NMD3: variants seen among roughly 807,000 people sequenced by gnomAD.
NMD3 encodes NMD3 ribosome export adaptor, also known as 60S ribosomal export protein NMD3.
Under a neutral mutation model 73.1 loss-of-function variants are expected in NMD3, and 47 were observed. That is an observed-to-expected ratio of 0.64 (90% CI 0.51 to 0.82). The LOEUF (loss-of-function observed/expected upper bound fraction) is 0.82, where lower values mean the gene tolerates loss of function less well. Ranked by LOEUF, NMD3 falls within the 40% of genes least tolerant of loss-of-function variation. The pLI is 0.00. For missense variants in NMD3, 554 were observed against 612.5 expected, an observed-to-expected ratio of 0.90 and a Z score of 1.01; for synonymous variants, 210 against 194.5, an observed-to-expected ratio of 1.08 and a Z score of -0.66.
At chr3:161,249,905 C>T (rs573696879) in intron 14 of NMD3, among the ~76,000 whole-genome samples, 5 of 152,214 alleles carry the variant, frequency 3.3e-5, no homozygotes, top group African/African-American at 1.2e-4. Flanking sequence ...ATATGTGGCA[C>T]ATGACTTTAT....
chr3:161,223,398 G>C (rs1204192814), intron 2 of NMD3, among the ~76,000 whole-genome samples: 1 of 151,588 alleles, frequency 6.6e-6, no homozygotes, highest in Non-Finnish European at 1.5e-5. Flanking sequence ...TGATAGTTCC[G>C]TCATTTATAC....
In NMD3 at chr3:161,242,646, CA is replaced by C; in HGVS notation, c.1016del (p.Lys339SerfsTer15). 6.2e-7 allele frequency: 1 copy of C among 1,605,224 alleles called. No homozygotes were observed. The highest frequency in any genetic ancestry group is 8.5e-7 in the Non-Finnish European group (1 of 1,176,262). On this transcript the variant is annotated frameshift_variant, in exon 11 of 16. Coordinates refer to ENST00000351193, the MANE Select transcript of NMD3 (RefSeq NM_015938.5). LOFTEE classifies it high-confidence loss of function. Reference protein sequence around the residue: ...IKRAAGAGMISKKHTLGEVWV... With the variant: ...IKRAAGAGMIXKKHTLGEVWV... Reference sequence around the variant, plus strand: ...CGTGCTGCAGGTGCTGGAATGATATCAAAAAAGGTAAGCTACATCCTGCCTG... The same window carrying C: ...CGTGCTGCAGGTGCTGGAATGATATCAAAAAGGTAAGCTACATCCTGCCTG...
In NMD3 at chr3:161,233,381, GT is replaced by G; in HGVS notation, c.277-15del. On this transcript the variant is annotated splice_polypyrimidine_tract_variant and intron_variant, in intron 4 of 15. Coordinates refer to ENST00000351193, the MANE Select transcript of NMD3 (RefSeq NM_015938.5). The stretch of plus-strand genomic sequence containing the variant: ...TAGGTGAGAACTTACGTTTCTTTTT[GT>G]TTGTGTTTTATTGAAGGTACGGCTT... 6.3e-7 allele frequency: 1 copy of G among 1,583,116 alleles called. No homozygotes were observed. Among genetic ancestry groups the G allele is most frequent in the South Asian group, 1.1e-5 (1 of 87,210 alleles).
intron 7 of NMD3, among the ~76,000 whole-genome samples, chr3:161,237,318 G>T (rs1429018161): frequency 6.6e-6 from 1 of 152,046 alleles, no homozygotes; most frequent in East Asian, 1.9e-4. Context: ...ACTCGACCTT[G>T]ATAGTTGGTT....
rs774260994 is a variant in NMD3 at position 161,235,241 on chromosome 3, TTA to T, written c.577+31_577+32del. 44 of 1,082,078 alleles carry T rather than the reference TTA, an allele frequency of 4.1e-5. No individual in the cohort carries two copies. The South Asian group carries it at 6.0e-4, about 15-fold the overall frequency. The allele number at this position is 1,082,078 out of a possible 1,614,324, so 67.0% of individuals were successfully genotyped here. ...AGTTAAAACTCAAAAGCATTTGAAA[TTA>T]TGTCAGATTTTTATTTCAACATACC... On this transcript the variant is annotated intron_variant, in intron 7 of 15. Coordinates refer to ENST00000351193, the MANE Select transcript of NMD3 (RefSeq NM_015938.5).
At chr3:161,247,470 CA>C (rs112296132) in intron 13 of NMD3, 140 bp downstream of exon 13, 48 of 462,038 alleles carry the variant, frequency 1.0e-4, no homozygotes, top group Admixed American at 1.5e-4. Context: ...GGTATAATAG[CA>C]AAATTTTTTT....
At position 161,241,030 on chromosome 3, in the gene NMD3, T is replaced by C. The variant is rs1560071844; in HGVS notation, c.754-16T>C. ...TTAGGATATGCCTCATTCTAAATGT[T>C]AGTTCTTATGCCTAGGATAATGTTG... On this transcript the variant is annotated splice_polypyrimidine_tract_variant and intron_variant, in intron 9 of 15. Coordinates refer to ENST00000351193, the MANE Select transcript of NMD3 (RefSeq NM_015938.5). 1 of 1,503,344 alleles carries C rather than the reference T, an allele frequency of 6.7e-7. No homozygotes were observed. The allele number at this position is 1,503,344 out of a possible 1,614,324, so 93.1% of individuals were successfully genotyped here.
At position 161,242,543 on chromosome 3, in the gene NMD3, C is replaced by A. The variant is rs747487158; in HGVS notation, c.907C>A (p.Pro303Thr). 2 of 1,613,264 alleles carry A rather than the reference C, an allele frequency of 1.2e-6. No individual in the cohort carries two copies. Among genetic ancestry groups the A allele is most frequent in the Non-Finnish European group, 8.5e-7 (1 of 1,179,530 alleles). ...DIDGSTFWSHPFNSLCHPKQL... is the reference protein window; with the variant it reads ...DIDGSTFWSHTFNSLCHPKQL... The stretch of plus-strand genomic sequence containing the variant: ...TGATGGGAGCACTTTCTGGAGTCAC[C>A]CTTTCAATAGTTTATGTCATCCCAA... The change falls in exon 11 of 16, where the codon CCT becomes ACT. Residue 303 changes from proline to threonine, a missense_variant. Physicochemically the swap from Pro to Thr is conservative, Grantham distance 38. Coordinates refer to ENST00000351193, the MANE Select transcript of NMD3 (RefSeq NM_015938.5).
intron 9 of NMD3, among the ~76,000 whole-genome samples, chr3:161,240,671 T>C (rs1424292788): frequency 6.6e-6 from 1 of 151,050 alleles, no homozygotes; most frequent in African/African-American, 2.4e-5. Context: ...CCCACAGGCA[T>C]GCACCACCAC....
At chr3:161,246,940 T>TG (rs963890796) in intron 12 of NMD3, among the ~76,000 whole-genome samples, 154 of 152,074 alleles carry the variant, frequency 1.0e-3, no homozygotes, top group Middle Eastern at 3.4e-3. Context: ...GGTGTTTTTT[T>TG]TTTGTTTGTT....
chr3:161,247,961 C>T (rs1737317021), intron 13 of NMD3, among the ~76,000 whole-genome samples: 1 of 151,194 alleles, frequency 6.6e-6, no homozygotes, highest in African/African-American at 2.4e-5. Context: ...GTTTAAAACA[C>T]GTTTTGTAGA....
chr3:161,231,247 G>A (rs1736536180), intron 4 of NMD3, among the ~76,000 whole-genome samples: 1 of 152,296 alleles, frequency 6.6e-6, no homozygotes, highest in Middle Eastern at 3.4e-3. Flanking sequence ...TAGCTTGAAA[G>A]ATATTTGGTG....
chr3:161,230,153 C>T (rs184167692), intron 4 of NMD3, among the ~76,000 whole-genome samples: 29 of 152,256 alleles, frequency 1.9e-4, no homozygotes, highest in African/African-American at 6.7e-4. Context: ...GGCTAGAGTG[C>T]AGTGGCGCTG....
intron 2 of NMD3, chr3:161,222,901 C>G (rs1736167777): frequency 6.6e-6 from 1 of 152,242 alleles, no homozygotes. Context: ...TGATGCTTTA[C>G]TCTTCCCTTG....
At chr3:161,240,086 C>T (rs967960824) in intron 9 of NMD3, among the ~76,000 whole-genome samples, 2 of 152,062 alleles carry the variant, frequency 1.3e-5, no homozygotes, top group African/African-American at 4.8e-5. Context: ...ATGTATTAAA[C>T]TATGTAAAAA....
Position 161,230,051 on chromosome 3 carries a change from T to C in NMD3, c.276+2708T>C, listed in dbSNP as rs531518379. 5.3e-5 allele frequency among the ~76,000 whole-genome samples: 8 copies of C among 152,190 alleles called. No homozygotes were observed. In the South Asian group the frequency reaches 1.7e-3, roughly 32 times the overall value. Reference sequence around the variant, plus strand: ...TTTGCTGTAAACGAAAACAAAGAAATGGGGCAGTGGTTGAAGGGGAAGTTG... The same window carrying C: ...TTTGCTGTAAACGAAAACAAAGAAACGGGGCAGTGGTTGAAGGGGAAGTTG... On this transcript the variant is annotated intron_variant, in intron 4 of 15. Coordinates refer to ENST00000351193, the MANE Select transcript of NMD3 (RefSeq NM_015938.5).
At chr3:161,227,008 T>A (rs1342034862) in intron 3 of NMD3, among the ~76,000 whole-genome samples, 1 of 152,200 alleles carries the variant, frequency 6.6e-6, no homozygotes, top group African/African-American at 2.4e-5. Context: ...AGTAATAAGA[T>A]CACTTTAGTA....
chr3:161,236,715 G>A (rs1736770175), intron 7 of NMD3, among the ~76,000 whole-genome samples: 2 of 151,800 alleles, frequency 1.3e-5, no homozygotes, highest in Admixed American at 1.3e-4. Flanking sequence ...ATATATTTAG[G>A]TCTAACTCTT....
intron 4 of NMD3, among the ~76,000 whole-genome samples, chr3:161,227,772 T>C (rs1432648916): frequency 6.6e-6 from 1 of 152,138 alleles, no homozygotes; most frequent in African/African-American, 2.4e-5. Flanking sequence ...AATGTTACTA[T>C]TGTTGCCAGT....
Sources: allele counts gnomAD v4.1 joint callset (sites outside exome capture counted in the v4.1 genomes callset), GRCh38; gene constraint gnomAD v4.1.1; transcripts MANE v1.5; gene names NCBI Gene and HGNC (gene_info 2026-07-23, HGNC 2026-07-21).